The following CLNK variants were observed in gnomAD, a reference collection of about 807,000 sequenced individuals.
CLNK encodes cytokine-dependent hematopoietic cell linker.
Under a neutral mutation model 68.6 loss-of-function variants are expected in CLNK, and 74 were observed. The observed-to-expected ratio is 1.08, with a 90% CI of 0.89 to 1.31. The LOEUF (loss-of-function observed/expected upper bound fraction) is 1.31, where lower values mean the gene tolerates loss of function less well. CLNK is among the 50% of genes most tolerant of loss of function. CLNK has a pLI of 0.00. For synonymous variants in CLNK, 198 were observed against 172.2 expected (o/e 1.15, Z -1.17); for missense variants, 553 against 515.3 (o/e 1.07, Z -0.71).
At chr4:10,602,504 T>A (rs111690176) in intron 2 of CLNK, among the ~76,000 whole-genome samples, 1 of 152,138 alleles carries the variant, frequency 6.6e-6, no homozygotes, top group Non-Finnish European at 1.5e-5. Context: ...TGGAGTGATG[T>A]TGTCACAAAT....
At chr4:10,581,959 G>A (rs1210726509) in intron 4 of CLNK, among the ~76,000 whole-genome samples, 1 of 152,172 alleles carries the variant, frequency 6.6e-6, no homozygotes, top group Non-Finnish European at 1.5e-5. Context: ...CTTGTTAAAA[G>A]TAGGGATTCC....
intron 4 of CLNK, among the ~76,000 whole-genome samples, chr4:10,577,479 C>G (rs1407963571): frequency 6.6e-6 from 1 of 152,224 alleles, no homozygotes; most frequent in Non-Finnish European, 1.5e-5. Flanking sequence ...GTCGGAGCTA[C>G]ATGTCTTCCT....
intron 4 of CLNK, among the ~76,000 whole-genome samples, chr4:10,577,595 T>A (rs1720615198): frequency 1.3e-5 from 2 of 152,172 alleles, no homozygotes; most frequent in South Asian, 4.1e-4. Flanking sequence ...GCACTTTTTA[T>A]TTCTCCTTTT....
chr4:10,724,265 C>T, the CLNK span, among the ~76,000 whole-genome samples: 1 of 152,070 alleles, frequency 6.6e-6, no homozygotes, highest in Admixed American at 6.5e-5. Context: ...CTGCTGGATA[C>T]CTGCATGGAT....
At chr4:10,605,549 G>A (rs145346374) in intron 2 of CLNK, among the ~76,000 whole-genome samples, 265 of 152,134 alleles carry the variant, frequency 1.7e-3, no homozygotes, top group African/African-American at 6.3e-3. Flanking sequence ...CACCTGGGTG[G>A]GGCACGGTGG....
intron 2 of CLNK, among the ~76,000 whole-genome samples, chr4:10,619,589 G>A (rs1230070147): frequency 6.6e-6 from 1 of 152,102 alleles, no homozygotes; most frequent in African/African-American, 2.4e-5. Flanking sequence ...GTGTGCAGGA[G>A]GGGTTGGGGT....
At chr4:10,553,191 T>C (rs529077256) in intron 8 of CLNK, among the ~76,000 whole-genome samples, 13 of 152,308 alleles carry the variant, frequency 8.5e-5, no homozygotes, top group African/African-American at 3.1e-4. Flanking sequence ...AAATGTACTG[T>C]GAACCCAGAA....
intron 16 of CLNK, among the ~76,000 whole-genome samples, chr4:10,509,073 C>T (rs1577094822): frequency 6.9e-6 from 1 of 145,916 alleles, no homozygotes; most frequent in African/African-American, 2.6e-5. Context: ...TGCCACTGCA[C>T]TCCAGCCTGG....
At chr4:10,718,816 A>G in the CLNK span, among the ~76,000 whole-genome samples, 1 of 152,092 alleles carries the variant, frequency 6.6e-6, no homozygotes, top group Non-Finnish European at 1.5e-5. Context: ...GGTAAAGCAA[A>G]AATTACAACC....
chr4:10,559,705 G>C (rs374658738), intron 7 of CLNK, among the ~76,000 whole-genome samples: 1 of 152,014 alleles, frequency 6.6e-6, no homozygotes, highest in Non-Finnish European at 1.5e-5. Context: ...AGGATTCCCC[G>C]GCCCAGGAAT....
chr4:10,527,505 A>G (rs1419984816), intron 13 of CLNK, among the ~76,000 whole-genome samples: 1 of 152,210 alleles, frequency 6.6e-6, no homozygotes, highest in African/African-American at 2.4e-5. Context: ...TTGGGCTGTG[A>G]TGCAGGCCCT....
At chr4:10,602,525 C>G (rs1054043259) in intron 2 of CLNK, among the ~76,000 whole-genome samples, 2 of 152,150 alleles carry the variant, frequency 1.3e-5, no homozygotes, top group East Asian at 3.9e-4. Flanking sequence ...CAAGGAACAC[C>G]TGGAGCCACT....
chr4:10,539,287 G>T (rs1718923638), intron 11 of CLNK, among the ~76,000 whole-genome samples: 1 of 152,208 alleles, frequency 6.6e-6, no homozygotes, highest in Non-Finnish European at 1.5e-5. Flanking sequence ...GTGTGGGGCT[G>T]TAATGGAGGA....
chr4:10,593,204 A>G (rs374753043), intron 3 of CLNK, among the ~76,000 whole-genome samples: 88 of 152,246 alleles, frequency 5.8e-4, no homozygotes, highest in African/African-American at 2.1e-3. Flanking sequence ...CCACAGTGAG[A>G]AAAGTGACCC....
chr4:10,704,988 G>A, the CLNK span, among the ~76,000 whole-genome samples: 6 of 152,170 alleles, frequency 3.9e-5, no homozygotes, highest in Admixed American at 3.3e-4. Flanking sequence ...GGCCAGGATG[G>A]TATGGCCCAA....
chr4:10,574,392 A>G (rs1277241105), intron 4 of CLNK, among the ~76,000 whole-genome samples: 1 of 152,180 alleles, frequency 6.6e-6, no homozygotes, highest in Admixed American at 6.5e-5. Context: ...ACTCCTGCTC[A>G]GTCAGTTTAG....
At chr4:10,581,655 A>ATTTTTTTTTTTTTTTTTTT (rs11287712) in intron 4 of CLNK, among the ~76,000 whole-genome samples, 3 of 149,114 alleles carry the variant, frequency 2.0e-5, no homozygotes, top group African/African-American at 7.4e-5. Context: ...AGGACCTTTA[A>ATTTTTTTTTTTTTTTTTTT]TTTTTTTTTT....
chr4:10,538,478 G>T (rs1367453033), intron 11 of CLNK, among the ~76,000 whole-genome samples: 2 of 152,174 alleles, frequency 1.3e-5, no homozygotes, highest in African/African-American at 2.4e-5. Flanking sequence ...TCTGAGGTTT[G>T]ATCAGTCCTT....
chr4:10,686,356 T>C (rs534379896), upstream of CLNK, among the ~76,000 whole-genome samples: 4 of 152,202 alleles, frequency 2.6e-5, no homozygotes, highest in Non-Finnish European at 5.9e-5. Flanking sequence ...CTTTAACAAA[T>C]GAATTTTAGC....
Sources: gnomAD v4.1 joint callset for allele counts (sites outside exome capture counted in the v4.1 genomes callset) on GRCh38, gnomAD v4.1.1 for gene constraint, MANE v1.5 for transcripts, NCBI Gene and HGNC (gene_info 2026-07-23, HGNC 2026-07-21) for gene names.